The following AKAP6 variants were observed in gnomAD, a reference collection of about 807,000 sequenced individuals.
AKAP6 encodes the protein A-kinase anchoring protein 6.
In AKAP6, 58 loss-of-function variants were observed where a neutral mutation model predicts 188.5. The observed-to-expected ratio is 0.31, with a 90% confidence interval of 0.25 to 0.38. The LOEUF (loss-of-function observed/expected upper bound fraction) is 0.38. Ranked by LOEUF, AKAP6 falls within the 10% of genes least tolerant of loss-of-function variation. The pLI is 1.00. For missense variants in AKAP6, 2,710 were observed against 2,740.0 expected (o/e 0.99, Z 0.24); for synonymous variants, 989 against 998.6 (o/e 0.99, Z 0.18).
chr14:32,765,232 T>G (rs2139961475), intron 11 of AKAP6, among the ~76,000 whole-genome samples: 1 of 152,212 alleles, frequency 6.6e-6, no homozygotes, highest in Non-Finnish European at 1.5e-5. Context: ...CGCACCCGGC[T>G]TCAAGTGAAT....
chr14:32,471,072 A>G (rs1178782589), intron 2 of AKAP6, among the ~76,000 whole-genome samples: 2 of 152,252 alleles, frequency 1.3e-5, no homozygotes, highest in Non-Finnish European at 2.9e-5. Flanking sequence ...ATTTATAACT[A>G]TGATAAACTA....
chr14:32,643,389 C>A (rs148875561), intron 7 of AKAP6, among the ~76,000 whole-genome samples: 2,766 of 152,014 alleles, frequency 0.018, 77 homozygotes, highest in African/African-American at 0.057. Context: ...CTCACTGCAA[C>A]CTCTGCCTCC....
chr14:32,373,987 G>A (rs1888086927), intron 1 of AKAP6, among the ~76,000 whole-genome samples: 1 of 152,174 alleles, frequency 6.6e-6, no homozygotes, highest in South Asian at 2.1e-4. Context: ...GGTTAAAGAT[G>A]AGCGATAGTA....
intron 3 of AKAP6, among the ~76,000 whole-genome samples, chr14:32,544,770 A>T (rs967006228): frequency 1.3e-5 from 2 of 152,200 alleles, no homozygotes; most frequent in African/African-American, 4.8e-5. Context: ...TCTACTTAAA[A>T]ATATTTATTG....
chr14:32,520,535 A>C (rs1351467852), intron 2 of AKAP6, among the ~76,000 whole-genome samples: 1 of 152,210 alleles, frequency 6.6e-6, no homozygotes, highest in Non-Finnish European at 1.5e-5. Context: ...ATCCCACAGA[A>C]ATACAAACTA....
At chr14:32,595,323 C>T (rs1029390248) in intron 5 of AKAP6, among the ~76,000 whole-genome samples, 1 of 151,986 alleles carries the variant, frequency 6.6e-6, no homozygotes, top group Non-Finnish European at 1.5e-5. Flanking sequence ...GCACCCTGCC[C>T]CAGCCACACT....
intron 2 of AKAP6, among the ~76,000 whole-genome samples, chr14:32,459,637 GAA>G (rs754031698): frequency 3.4e-5 from 4 of 117,426 alleles, no homozygotes; most frequent in Non-Finnish European, 3.8e-5. Context: ...TTACAAAAAG[GAA>G]AAAAAAAAAA....
At chr14:32,534,198 T>C (rs1882564137) in intron 2 of AKAP6, among the ~76,000 whole-genome samples, 1 of 152,216 alleles carries the variant, frequency 6.6e-6, no homozygotes, top group Non-Finnish European at 1.5e-5. Flanking sequence ...GTTTCCAGCA[T>C]AGAATGACCG....
intron 2 of AKAP6, among the ~76,000 whole-genome samples, chr14:32,460,434 T>A (rs972083178): frequency 1.3e-5 from 2 of 152,054 alleles, no homozygotes; most frequent in Admixed American, 6.6e-5. Context: ...CCACAGAGGG[T>A]GAGCAGAAGC....
intron 3 of AKAP6, among the ~76,000 whole-genome samples, chr14:32,536,583 A>C (rs1882688611): frequency 6.6e-6 from 1 of 152,218 alleles, no homozygotes; most frequent in African/African-American, 2.4e-5. Flanking sequence ...GCAAACTCCC[A>C]TGATTCATGT....
chr14:32,521,646 C>A (rs1433834330), intron 2 of AKAP6, among the ~76,000 whole-genome samples: 1 of 152,158 alleles, frequency 6.6e-6, no homozygotes, highest in East Asian at 1.9e-4. Context: ...TGAAGGACCT[C>A]TTCAAGGAGA....
At chr14:32,704,739 A>C (rs1566657079) in intron 9 of AKAP6, among the ~76,000 whole-genome samples, 1 of 152,210 alleles carries the variant, frequency 6.6e-6, no homozygotes, top group African/African-American at 2.4e-5. Flanking sequence ...TCATTGACAA[A>C]GAGGTATTAA....
rs1491117066 is a variant in AKAP6 at position 32,510,404 on chromosome 14, GTATATATA to G, written c.325-25148_325-25141del. Among the ~76,000 whole-genome samples the G allele has an allele frequency of 2.1e-3, 158 of 74,738 alleles. 1 individual carries two copies. Among genetic ancestry groups the G allele is most frequent in the African/African-American group, 8.7e-3 (144 of 16,488 alleles). The allele number at this position is 74,738 out of a possible 152,430, so 49.0% of individuals were successfully genotyped here. Reference sequence around the variant, plus strand: ...TGTATATATATATGTGTATATATATGTATATATATGTATATATATACATATATATATGT... The same window carrying G: ...TGTATATATATATGTGTATATATATGTGTATATATATACATATATATATGT... On this transcript the variant is annotated intron_variant, in intron 2 of 13. Transcript: ENST00000280979.
chr14:32,376,660 A>G (rs1452675664), intron 1 of AKAP6, among the ~76,000 whole-genome samples: 2 of 152,194 alleles, frequency 1.3e-5, no homozygotes, highest in African/African-American at 4.8e-5. Context: ...TACTCAAACC[A>G]GGCTTTCATC....
chr14:32,786,324 T>TTTTTTTTTTTTTA (rs1555362343), intron 12 of AKAP6, among the ~76,000 whole-genome samples: 1 of 127,682 alleles, frequency 7.8e-6, no homozygotes, highest in African/African-American at 3.0e-5. Context: ...TTTTTTTTTT[T>TTTTTTTTTTTTTA]TGAGACGGAA....
chr14:32,565,505 T>A (rs755423100), intron 4 of AKAP6, among the ~76,000 whole-genome samples: 4 of 152,228 alleles, frequency 2.6e-5, no homozygotes, highest in Non-Finnish European at 4.4e-5. Flanking sequence ...TCCACTGAGC[T>A]GCTTTAGTTT....
In AKAP6 at chr14:32,786,296, A is replaced by ATGGTTTTT; in HGVS notation, c.3588+12404_3588+12405insGGTTTTTT. ...AGCCCTCTGAAAGACCTAAACCTTT[A>ATGGTTTTT]TCTTTTTTTTTTTTTTTTTTTTTTT... On this transcript the variant is annotated intron_variant, in intron 12 of 13. Coordinates refer to ENST00000280979, the MANE Select transcript of AKAP6 (RefSeq NM_004274.5). 8.5e-5 allele frequency among the ~76,000 whole-genome samples: 8 copies of ATGGTTTTT among 93,704 alleles called. 1 individual carries two copies. The highest frequency in any genetic ancestry group is 3.3e-4 in the African/African-American group (8 of 24,348). 61.5% of individuals were successfully genotyped at this position (93,704 alleles called of 152,430 possible).
intron 12 of AKAP6, among the ~76,000 whole-genome samples, chr14:32,809,417 C>G (rs923630055): frequency 6.6e-6 from 1 of 152,180 alleles, no homozygotes; most frequent in Non-Finnish European, 1.5e-5. Flanking sequence ...AATTTCCCCT[C>G]TTTTGTGAGG....
At chr14:32,376,477 G>A (rs771485880) in intron 1 of AKAP6, among the ~76,000 whole-genome samples, 6 of 152,154 alleles carry the variant, frequency 3.9e-5, no homozygotes, top group African/African-American at 7.2e-5. Context: ...TTCTTACATA[G>A]GACCTATTGC....
Sources: gnomAD v4.1 joint callset for allele counts (sites outside exome capture counted in the v4.1 genomes callset) on GRCh38, gnomAD v4.1.1 for gene constraint, MANE v1.5 for transcripts, NCBI Gene and HGNC (gene_info 2026-07-23, HGNC 2026-07-21) for gene names.